Variants in MSI2 observed in about 807,000 individuals in gnomAD.
MSI2 encodes the protein musashi RNA binding protein 2.
MSI2 carries 17 observed loss-of-function variants against 45.6 expected under a neutral mutation model. The observed-to-expected ratio is 0.37, with a 90% CI of 0.26 to 0.56. The LOEUF (loss-of-function observed/expected upper bound fraction) is 0.56, where lower values mean the gene tolerates loss of function less well. MSI2 is among the 20% of genes least tolerant of loss of function. The pLI, the probability that MSI2 is intolerant of heterozygous loss-of-function variation, is 0.77. For missense variants in MSI2, 293 were observed against 444.2 expected (o/e 0.66, Z 3.06); for synonymous variants, 156 against 158.2 (o/e 0.99, Z 0.11).
At chr17:57,574,372 C>T (rs1487309175) in intron 7 of MSI2, among the ~76,000 whole-genome samples, 1 of 152,230 alleles carries the variant, frequency 6.6e-6, no homozygotes, top group African/African-American at 2.4e-5. Context: ...GAGCTAAGAA[C>T]CAGAGTGCAA....
intron 5 of MSI2, among the ~76,000 whole-genome samples, chr17:57,335,505 G>T (rs564835575): frequency 3.9e-5 from 6 of 152,322 alleles, no homozygotes; most frequent in South Asian, 2.1e-4. Flanking sequence ...TTTGACAGAG[G>T]TTATAAGGGA....
chr17:57,411,113 C>T (rs989923413), intron 6 of MSI2, among the ~76,000 whole-genome samples: 3 of 152,096 alleles, frequency 2.0e-5, no homozygotes, highest in Admixed American at 2.0e-4. Context: ...CAGGTGATTC[C>T]CCAACCTCAG....
intron 6 of MSI2, among the ~76,000 whole-genome samples, chr17:57,526,387 G>A (rs1373971222): frequency 1.4e-5 from 2 of 140,336 alleles, no homozygotes; most frequent in African/African-American, 2.7e-5. Flanking sequence ...GTGTGTGTGT[G>A]TGTGTGTGTG....
intron 8 of MSI2, among the ~76,000 whole-genome samples, chr17:57,598,311 A>T (rs1905470000): frequency 6.6e-6 from 1 of 152,198 alleles, no homozygotes; most frequent in Admixed American, 6.5e-5. Flanking sequence ...TATTGGTCTG[A>T]TATGTGTTCA....
intron 7 of MSI2, among the ~76,000 whole-genome samples, chr17:57,575,041 A>G (rs576226928): frequency 7.2e-5 from 11 of 152,168 alleles, no homozygotes; most frequent in African/African-American, 1.7e-4. Flanking sequence ...TGTGTTAGCC[A>G]GGATGGTCTC....
At chr17:57,616,141 A>G in intron 9 of MSI2, 57 bp downstream of exon 9, 1 of 1,379,908 alleles carries the variant, frequency 7.2e-7, no homozygotes, top group South Asian at 1.2e-5. Context: ...GGAGGCCTCT[A>G]CTCCCAACTG....
At chr17:57,473,170 G>A (rs560449394) in intron 6 of MSI2, among the ~76,000 whole-genome samples, 6 of 152,366 alleles carry the variant, frequency 3.9e-5, no homozygotes, top group East Asian at 1.9e-4. Flanking sequence ...GATTGCTGGC[G>A]TGAGCCACCG....
chr17:57,564,707 G>A (rs913548485), intron 7 of MSI2, among the ~76,000 whole-genome samples: 1 of 152,210 alleles, frequency 6.6e-6, no homozygotes, highest in Admixed American at 6.5e-5. Flanking sequence ...TTTGGAATTG[G>A]GAGTCTCATC....
chr17:57,427,725 C>T (rs1360284549), intron 6 of MSI2, among the ~76,000 whole-genome samples: 1 of 152,202 alleles, frequency 6.6e-6, no homozygotes, highest in African/African-American at 2.4e-5. Flanking sequence ...GGAATCTCAT[C>T]CGCAGTATTC....
At chr17:57,543,777 A>G (rs192682176) in intron 7 of MSI2, among the ~76,000 whole-genome samples, 22 of 152,342 alleles carry the variant, frequency 1.4e-4, no homozygotes, top group Admixed American at 1.4e-3. Flanking sequence ...AAGATTTACA[A>G]AAGAAGCTTT....
chr17:57,506,718 C>T (rs1030902415), intron 6 of MSI2, among the ~76,000 whole-genome samples: 20 of 152,146 alleles, frequency 1.3e-4, no homozygotes, highest in Admixed American at 4.6e-4. Context: ...CCTTTTGATT[C>T]GAGTTGAGCA....
the MSI2 span, among the ~76,000 whole-genome samples, chr17:57,695,810 A>AG: frequency 4.3e-4 from 66 of 152,322 alleles, 1 homozygote; most frequent in East Asian, 0.01. Context: ...GTCCAAGATC[A>AG]GGGCGCTGAC....
At chr17:57,362,792 A>G (rs546288214) in intron 5 of MSI2, among the ~76,000 whole-genome samples, 4 of 152,272 alleles carry the variant, frequency 2.6e-5, no homozygotes, top group African/African-American at 7.2e-5. Context: ...AATGCTACTC[A>G]TAGAATATTT....
At chr17:57,436,284 G>A (rs1441841397) in intron 6 of MSI2, among the ~76,000 whole-genome samples, 1 of 152,182 alleles carries the variant, frequency 6.6e-6, no homozygotes, top group Non-Finnish European at 1.5e-5. Context: ...TGGGGGCAGT[G>A]AGGGTTAAAT....
intron 8 of MSI2, among the ~76,000 whole-genome samples, chr17:57,614,207 C>T (rs1421511279): frequency 1.3e-5 from 2 of 152,128 alleles, no homozygotes; most frequent in African/African-American, 4.8e-5. Context: ...CATGCCACCA[C>T]ACCTGGCTAA....
chr17:57,483,054 T>C (rs2085679198), intron 6 of MSI2, among the ~76,000 whole-genome samples: 1 of 152,240 alleles, frequency 6.6e-6, no homozygotes, highest in African/African-American at 2.4e-5. Flanking sequence ...TATATTTGAT[T>C]CTACTGACCA....
intron 6 of MSI2, among the ~76,000 whole-genome samples, chr17:57,417,952 A>G (rs2084326297): frequency 6.6e-6 from 1 of 152,372 alleles, no homozygotes; most frequent in South Asian, 2.1e-4. Flanking sequence ...CCCTGTGTCT[A>G]GGAATTACAG....
intron 5 of MSI2, among the ~76,000 whole-genome samples, chr17:57,290,038 G>GAGACT (rs1268688284): frequency 6.6e-6 from 1 of 152,226 alleles, no homozygotes; most frequent in African/African-American, 2.4e-5. Context: ...GGGGAGTCTG[G>GAGACT]CCTTGGAGAG....
In MSI2 at chr17:57,323,289, A is replaced by G. The variant is rs555283607; in HGVS notation, c.312+61097A>G. ...CTCATATCCTGCAGGAAAGTGGAGA[A>G]GAAAAAATGTGAGACTGATTTTTTT... On this transcript the variant is annotated intron_variant, in intron 5 of 13. Transcript: ENST00000284073. Among the ~76,000 whole-genome samples, 150 of 152,356 alleles carry G rather than the reference A, an allele frequency of 9.8e-4. 1 individual carries two copies. The highest frequency in any genetic ancestry group is 3.5e-3 in the African/African-American group (147 of 41,588).
Sources: gnomAD v4.1 joint callset for allele counts (sites outside exome capture counted in the v4.1 genomes callset) on GRCh38, gnomAD v4.1.1 for gene constraint, MANE v1.5 for transcripts, NCBI Gene and HGNC (gene_info 2026-07-23, HGNC 2026-07-21) for gene names.